NTNG1: variants seen among roughly 807,000 people sequenced by gnomAD.
NTNG1 encodes the protein netrin G1, also known as netrin-G1.
In NTNG1, 16 loss-of-function variants were observed where a neutral mutation model predicts 54.0. The observed-to-expected ratio is 0.30, with a 90% confidence interval of 0.20 to 0.45. The LOEUF (loss-of-function observed/expected upper bound fraction) is 0.45, where lower values mean the gene tolerates loss of function less well. Among genes scored for constraint, NTNG1 ranks in the 20% least tolerant of loss-of-function variants. The pLI, the probability that NTNG1 is intolerant of heterozygous loss-of-function variation, is 1.00. For synonymous variants in NTNG1, 255 were observed against 263.1 expected, an observed-to-expected ratio of 0.97 and a Z score of 0.30; for missense variants, 530 against 678.7, an observed-to-expected ratio of 0.78 and a Z score of 2.43.
chr1:107,281,661 A>ATG (rs1664866477), intron 2 of NTNG1, among the ~76,000 whole-genome samples: 1 of 152,054 alleles, frequency 6.6e-6, no homozygotes, highest in Non-Finnish European at 1.5e-5. Context: ...ATATATGTGT[A>ATG]TGTGTGTGTA....
intron 2 of NTNG1, among the ~76,000 whole-genome samples, chr1:107,192,376 T>G (rs1658025584): frequency 6.6e-6 from 1 of 152,074 alleles, no homozygotes; most frequent in Non-Finnish European, 1.5e-5. Flanking sequence ...TCCTAAGACA[T>G]AAGTAGATGG....
intron 7 of NTNG1, among the ~76,000 whole-genome samples, chr1:107,455,434 G>A (rs907638349): frequency 6.6e-6 from 1 of 152,242 alleles, no homozygotes; most frequent in Non-Finnish European, 1.5e-5. Context: ...GTGGTGCTCA[G>A]GATCAAGTGA....
chr1:107,373,897 T>C (rs1364426360), intron 3 of NTNG1, among the ~76,000 whole-genome samples: 1 of 152,110 alleles, frequency 6.6e-6, no homozygotes, highest in Non-Finnish European at 1.5e-5. Context: ...AGACAGGGTC[T>C]TGCTTTTTTG....
At chr1:107,436,978 T>G (rs915425415) in intron 7 of NTNG1, among the ~76,000 whole-genome samples, 179 bp downstream of exon 7, 7 of 152,204 alleles carry the variant, frequency 4.6e-5, no homozygotes, top group South Asian at 2.1e-4. Context: ...TCCAACTGGC[T>G]TTTTTGAAGC....
At chr1:107,372,331 C>T (rs1244177183) in intron 3 of NTNG1, among the ~76,000 whole-genome samples, 1 of 151,660 alleles carries the variant, frequency 6.6e-6, no homozygotes, top group Non-Finnish European at 1.5e-5. Flanking sequence ...AAATTTCCTC[C>T]CTAAGTACTG....
At chr1:107,415,736 A>C (rs1674155347) in intron 5 of NTNG1, among the ~76,000 whole-genome samples, 1 of 152,154 alleles carries the variant, frequency 6.6e-6, no homozygotes. Flanking sequence ...TTGACGTATT[A>C]TAATTCATTT....
intron 2 of NTNG1, among the ~76,000 whole-genome samples, chr1:107,286,696 A>G (rs1010757531): frequency 3.3e-5 from 5 of 152,174 alleles, no homozygotes; most frequent in Non-Finnish European, 5.9e-5. Context: ...CTTAGGGTGT[A>G]TACTCCAACA....
At chr1:107,251,264 A>G (rs1390048295) in intron 2 of NTNG1, among the ~76,000 whole-genome samples, 1 of 152,228 alleles carries the variant, frequency 6.6e-6, no homozygotes, top group East Asian at 1.9e-4. Context: ...GCATAATAGA[A>G]TCTTTCCTTG....
At chr1:107,207,835 C>T (rs1454536896) in intron 2 of NTNG1, among the ~76,000 whole-genome samples, 1 of 152,108 alleles carries the variant, frequency 6.6e-6, no homozygotes, top group African/African-American at 2.4e-5. Flanking sequence ...ATGCACTTTC[C>T]CTCAATGATA....
intron 7 of NTNG1, among the ~76,000 whole-genome samples, chr1:107,462,272 G>T (rs750496058): frequency 6.6e-6 from 1 of 152,100 alleles, no homozygotes; most frequent in Non-Finnish European, 1.5e-5. Context: ...TATAGACCTC[G>T]AACAGAACAT....
chr1:107,408,231 T>C (rs1673572462), intron 5 of NTNG1: 1 of 210,918 alleles, frequency 4.7e-6, no homozygotes, highest in African/African-American at 2.4e-5. Context: ...AACAGGCAAA[T>C]TTGTGATCAG....
chr1:107,181,929 GA>G (rs1013988096), intron 2 of NTNG1, among the ~76,000 whole-genome samples: 1 of 151,460 alleles, frequency 6.6e-6, no homozygotes, highest in East Asian at 1.9e-4. Flanking sequence ...TCCTTTAGGT[GA>G]AAAAAAATGC....
chr1:107,436,585 A>G, intron 6 of NTNG1, 80 bp from the exon 7 acceptor site: 1 of 1,198,054 alleles, frequency 8.3e-7, no homozygotes. Flanking sequence ...TGATGCATTT[A>G]AGTACGTGAC....
chr1:107,208,874 TCAC>T (rs1422298771), intron 2 of NTNG1, among the ~76,000 whole-genome samples: 1 of 152,100 alleles, frequency 6.6e-6, no homozygotes, highest in Non-Finnish European at 1.5e-5. Flanking sequence ...TTCTGGGACT[TCAC>T]CACCACTACT....
chr1:107,371,743 T>G (rs1670933472), intron 3 of NTNG1, among the ~76,000 whole-genome samples: 1 of 152,080 alleles, frequency 6.6e-6, no homozygotes, highest in Non-Finnish European at 1.5e-5. Context: ...GAATACTTTC[T>G]AAATCATTGT....
chr1:107,361,196 G>A (rs1310987481), intron 3 of NTNG1, among the ~76,000 whole-genome samples: 2 of 138,710 alleles, frequency 1.4e-5, no homozygotes, highest in African/African-American at 5.3e-5. Context: ...ATATAATTAT[G>A]TATAAAATAA....
chr1:107,332,326 G>T (rs1570697726), intron 3 of NTNG1, among the ~76,000 whole-genome samples: 1 of 151,924 alleles, frequency 6.6e-6, no homozygotes, highest in East Asian at 1.9e-4. Flanking sequence ...AAGCTAGTGG[G>T]TCGTTAAAGG....
intron 2 of NTNG1, among the ~76,000 whole-genome samples, chr1:107,294,807 A>C (rs941195176): frequency 1.3e-5 from 2 of 152,106 alleles, no homozygotes; most frequent in African/African-American, 4.8e-5. Context: ...TGCTGCTATC[A>C]TCTATCTGCC....
intron 3 of NTNG1, among the ~76,000 whole-genome samples, chr1:107,371,193 G>GT (rs1670902165): frequency 6.6e-6 from 1 of 151,916 alleles, no homozygotes; most frequent in African/African-American, 2.4e-5. Context: ...TTTGCTAAAT[G>GT]TTTTTTGTGT....
Sources: allele counts gnomAD v4.1 joint callset (sites outside exome capture counted in the v4.1 genomes callset), GRCh38; gene constraint gnomAD v4.1.1; transcripts MANE v1.5; gene names NCBI Gene and HGNC (gene_info 2026-07-23, HGNC 2026-07-21).